USP9X: variants seen among roughly 807,000 people sequenced by gnomAD.
USP9X encodes ubiquitin carboxyl-terminal hydrolase 9X.
USP9X carries 7 observed loss-of-function variants against 190.3 expected under a neutral mutation model. That is an observed-to-expected ratio of 0.04 (90% CI 0.02 to 0.07). The LOEUF (loss-of-function observed/expected upper bound fraction) is 0.07. USP9X is among the 10% of genes least tolerant of loss of function. The probability of loss-of-function intolerance (pLI) is 1.00; values close to 1 mark genes in which losing one functional copy is unlikely to be tolerated. For synonymous variants in USP9X, 645 were observed against 659.5 expected (o/e 0.98, Z 0.34); for missense variants, 1,010 against 1,916.9 (o/e 0.53, Z 8.83).
At chrX:41,194,308 A>G (rs1222447584) in intron 26 of USP9X, among the ~76,000 whole-genome samples, 2 of 112,108 alleles carry the variant, frequency 1.8e-5, no homozygotes, top group Non-Finnish European at 3.8e-5. Flanking sequence ...TAATCCCAGC[A>G]CTTTGGGAGG....
chrX:41,092,998 G>C (rs920781976), intron 1 of USP9X, among the ~76,000 whole-genome samples: 6 of 110,996 alleles, frequency 5.4e-5, no homozygotes, highest in African/African-American at 1.3e-4. Flanking sequence ...TCAGCCTGCC[G>C]AGTAAGTAGG....
chrX:41,215,294 T>C (rs1372181431), intron 34 of USP9X, among the ~76,000 whole-genome samples: 1 of 112,726 alleles, frequency 8.9e-6, no homozygotes, highest in Non-Finnish European at 1.9e-5. Context: ...CTTTGGGAGC[T>C]CCCAAACCCT....
chrX:41,094,302 G>A (rs2061974406), intron 1 of USP9X, among the ~76,000 whole-genome samples: 1 of 109,106 alleles, frequency 9.2e-6, no homozygotes, highest in South Asian at 4.0e-4. Flanking sequence ...TCAACCTCCT[G>A]AGTAGCTGGG....
At chrX:41,225,390 G>C (rs892219654) in intron 41 of USP9X, among the ~76,000 whole-genome samples, 28 of 111,778 alleles carry the variant, frequency 2.5e-4, no homozygotes, top group African/African-American at 9.1e-4. Context: ...TTTAATTAAG[G>C]AGGAGCTAGC....
At chrX:41,151,313 A>G (rs1180538321) in intron 13 of USP9X, among the ~76,000 whole-genome samples, 1 of 111,691 alleles carries the variant, frequency 9.0e-6, no homozygotes, top group African/African-American at 3.3e-5. Flanking sequence ...CAGAATTATT[A>G]TTATATACAT....
At position 41,165,810 on chromosome X, in the gene USP9X, A is replaced by T. The variant is rs2062674272; in HGVS notation, c.1986-62A>T. 1.4e-5 allele frequency: 14 copies of T among 968,025 alleles called. No homozygotes were observed. In the South Asian group the frequency reaches 2.9e-4, roughly 20 times the overall value. The allele number at this position is 968,025 out of a possible 1,213,427, so 79.8% of individuals were successfully genotyped here. A position where few individuals can be genotyped will look rare whatever the true frequency, so the allele number is the denominator to read the frequency against. ...GATAAATGTATTTTATAGGTAATAC[A>T]GATTGCCTTTCCGGATAAAAATTAC... On this transcript the variant is annotated intron_variant, in intron 15 of 44. Coordinates refer to ENST00000378308, the MANE Select transcript of USP9X (RefSeq NM_001039591.3).
rs148082876 is a variant in USP9X at position 41,186,185 on chromosome X, A to C, written c.3559-332A>C. ...AGCAGGGTCTGCCCAAGGCATGTAC[A>C]TAAAAGATGTACAATACTTTACTGA... On this transcript the variant is annotated intron_variant, in intron 23 of 44. Transcript: ENST00000378308. Among the ~76,000 whole-genome samples the C allele has an allele frequency of 8.4e-3, 935 of 111,280 alleles. 40 individuals carry two copies. The highest frequency in any genetic ancestry group is 0.081 in the Admixed American group (841 of 10,396).
intron 44 of USP9X, among the ~76,000 whole-genome samples, chrX:41,231,546 G>C (rs566388168): frequency 1.8e-5 from 2 of 110,258 alleles, no homozygotes; most frequent in South Asian, 7.7e-4. Flanking sequence ...TGACCAACAT[G>C]GAGAAGCCCT....
At chrX:41,186,789 G>A (rs1210145522) in intron 24 of USP9X, 147 bp downstream of exon 24, 2 of 667,597 alleles carry the variant, frequency 3.0e-6, no homozygotes, top group Non-Finnish European at 4.4e-6. Context: ...TCAACTTTAT[G>A]TATAATAAAC....
chrX:41,175,778 C>G (rs1367694945), intron 21 of USP9X, among the ~76,000 whole-genome samples: 1 of 111,217 alleles, frequency 9.0e-6, no homozygotes, highest in Non-Finnish European at 1.9e-5. Context: ...TATATACACA[C>G]ACACACATGA....
intron 24 of USP9X, 112 bp from the exon 25 acceptor site, chrX:41,187,880 A>G: frequency 6.9e-6 from 5 of 723,264 alleles, no homozygotes; most frequent in Non-Finnish European, 7.6e-6. Context: ...TTTAAAAACA[A>G]TGGTACTACA....
chrX:41,178,784 C>T (rs1381188702), intron 21 of USP9X, among the ~76,000 whole-genome samples: 1 of 111,633 alleles, frequency 9.0e-6, no homozygotes, highest in Non-Finnish European at 1.9e-5. Context: ...AAGTCCTTGC[C>T]CACACTAATG....
At chrX:41,133,628 C>G (rs1054726980) in intron 4 of USP9X, among the ~76,000 whole-genome samples, 1 of 112,074 alleles carries the variant, frequency 8.9e-6, no homozygotes, top group African/African-American at 3.2e-5. Flanking sequence ...TCCCGCTATT[C>G]TTTACGTCCG....
intron 1 of USP9X, among the ~76,000 whole-genome samples, chrX:41,116,872 G>A (rs2062151948): frequency 8.9e-6 from 1 of 111,842 alleles, no homozygotes; most frequent in Admixed American, 9.6e-5. Flanking sequence ...CAGATTGTAA[G>A]TGACAGAAGT....
chrX:41,114,157 A>G (rs756194176), intron 1 of USP9X, among the ~76,000 whole-genome samples: 4 of 112,635 alleles, frequency 3.6e-5, no homozygotes, highest in South Asian at 7.3e-4. Flanking sequence ...TCATGTTCTC[A>G]TGTATTTTTC....
Position 41,173,083 on chromosome X carries a change from T to G in USP9X, c.3148+1125T>G, listed in dbSNP as rs1380841832. Among the ~76,000 whole-genome samples, 5 of 111,688 alleles carry G rather than the reference T, an allele frequency of 4.5e-5. No homozygotes were observed. The East Asian group carries it at 1.4e-3, about 31-fold the overall frequency. Reference sequence around the variant, plus strand: ...TTTGTGTGTCTTTGAAATGTCTAAGTGTGATGGTGAATTTACTAGATCTGA... The same window carrying G: ...TTTGTGTGTCTTTGAAATGTCTAAGGGTGATGGTGAATTTACTAGATCTGA... On this transcript the variant is annotated intron_variant, in intron 21 of 44. Transcript: ENST00000378308.
At chrX:41,142,416 A>G (rs2062430717) in intron 9 of USP9X, among the ~76,000 whole-genome samples, 1 of 111,547 alleles carries the variant, frequency 9.0e-6, no homozygotes, top group Non-Finnish European at 1.9e-5. Context: ...CCGAGGAGAG[A>G]TTGCTTGAGG....
intron 1 of USP9X, among the ~76,000 whole-genome samples, chrX:41,101,463 C>G (rs1160164068): frequency 2.7e-5 from 3 of 109,991 alleles, no homozygotes; most frequent in Non-Finnish European, 5.7e-5. Flanking sequence ...GGCACATGCC[C>G]GTAGTCCCAG....
intron 26 of USP9X, among the ~76,000 whole-genome samples, chrX:41,191,281 A>T (rs140591072): frequency 1.8e-3 from 191 of 105,489 alleles, no homozygotes; most frequent in African/African-American, 6.4e-3. Flanking sequence ...GTGAGCTGAG[A>T]TCGCGCCATT....
Sources: allele counts gnomAD v4.1 joint callset (sites outside exome capture counted in the v4.1 genomes callset), GRCh38; gene constraint gnomAD v4.1.1; transcripts MANE v1.5; gene names NCBI Gene and HGNC (gene_info 2026-07-23, HGNC 2026-07-21).